ERO1A: variants seen among roughly 807,000 people sequenced by gnomAD.
ERO1A encodes the protein ERO1-like protein alpha.
In ERO1A, 49 loss-of-function variants were observed where a neutral mutation model predicts 76.9. The ratio of observed to expected loss-of-function variants is 0.64; its 90% CI spans 0.51 to 0.81. The LOEUF is 0.81. Among genes scored for constraint, ERO1A ranks in the 30% least tolerant of loss-of-function variants. The probability of loss-of-function intolerance (pLI) is 0.00; values close to 1 mark genes in which losing one functional copy is unlikely to be tolerated. For missense variants in ERO1A, 448 were observed against 542.1 expected (o/e 0.83, Z 1.72); for synonymous variants, 174 against 181.2 (o/e 0.96, Z 0.32).
intron 1 of ERO1A, among the ~76,000 whole-genome samples, chr14:52,693,422 C>G (rs2041425249): frequency 6.6e-6 from 1 of 152,202 alleles, no homozygotes; most frequent in African/African-American, 2.4e-5. Flanking sequence ...CTCAGACTGG[C>G]TCTCCTTGCT....
At chr14:52,692,402 C>T (rs1192838786) in intron 1 of ERO1A, among the ~76,000 whole-genome samples, 1 of 152,052 alleles carries the variant, frequency 6.6e-6, no homozygotes, top group African/African-American at 2.4e-5. Context: ...CACCATGCAG[C>T]AGTGTGATGA....
At position 52,653,202 on chromosome 14, in the gene ERO1A, A is replaced by G. The variant is rs1566636084; in HGVS notation, c.922T>C (p.Tyr308His). Residue 308 changes from tyrosine to histidine, a missense_variant, in exon 12 of 16, where the codon TAC (tyrosine) becomes CAC (histidine). By Grantham distance (83) the Tyr-to-His change is moderately conservative (BLOSUM62 2). Transcript: ENST00000395686. ...PRRLKNLYFL[Y>H]LIELRALSKV... Reference sequence around the variant, plus strand: ...GATAAAGCCCTTAGTTCTATTAAGTAGAGAAAATACAAGTTCTTAAGCCTT... The same window carrying G: ...GATAAAGCCCTTAGTTCTATTAAGTGGAGAAAATACAAGTTCTTAAGCCTT... The G allele has an allele frequency of 6.2e-7, 1 of 1,613,446 alleles. No homozygotes were observed. Among genetic ancestry groups the G allele is most frequent in the African/African-American group, 1.3e-5 (1 of 75,038 alleles).
Position 52,658,118 on chromosome 14 carries a change from A to G in ERO1A, c.715+6T>C. On this transcript the variant is annotated splice_donor_region_variant and intron_variant, in intron 10 of 15. Transcript: ENST00000395686. ...CATTGAAATTTATTTTAAAGTTTCT[A>G]ATTACCTTCTAGCCAACTGTAAAAA... 6.6e-7 allele frequency: 1 copy of G among 1,511,730 alleles called. No individual in the cohort carries two copies. The highest frequency in any genetic ancestry group is 9.1e-7 in the Non-Finnish European group (1 of 1,097,752). 93.6% of individuals were successfully genotyped at this position (1,511,730 alleles called of 1,614,324 possible).
chr14:52,643,512 G>T lies in ERO1A; in HGVS notation c.*58C>A. ...TGTCATTGCTATTATGCCTTTGAATGAAATTCCACTCTTTCGCCTCCATTG... is the reference window on the plus strand; with the variant it reads ...TGTCATTGCTATTATGCCTTTGAATTAAATTCCACTCTTTCGCCTCCATTG... On this transcript the variant is annotated 3_prime_UTR_variant, in exon 16 of 16. Transcript: ENST00000395686. The T allele has an allele frequency of 8.4e-7, 1 of 1,186,060 alleles. No individual in the cohort carries two copies. Among genetic ancestry groups the T allele is most frequent in the East Asian group, 2.9e-5 (1 of 34,354 alleles). 73.5% of individuals were successfully genotyped at this position (1,186,060 alleles called of 1,614,324 possible).
At chr14:52,646,573 A>T (rs2039664858) in intron 13 of ERO1A, 112 bp from the exon 14 acceptor site, 1 of 710,502 alleles carries the variant, frequency 1.4e-6, no homozygotes, top group Non-Finnish European at 2.4e-6. Context: ...TGGGGTACCA[A>T]AAATGAGAAC....
In ERO1A at chr14:52,642,326, C is replaced by T. The variant is rs2039503036; in HGVS notation, c.*1244G>A. 1 of 152,040 alleles carries T rather than the reference C, an allele frequency of 6.6e-6. No individual in the cohort carries two copies. The highest frequency in any genetic ancestry group is 1.5e-5 in the Non-Finnish European group (1 of 68,014). 9.4% of individuals were successfully genotyped at this position (152,040 alleles called of 1,614,324 possible). On this transcript the variant is annotated 3_prime_UTR_variant, in exon 16 of 16. Transcript: ENST00000395686. ...GGTGGGAAGATCACTTCAGCCCAGT[C>T]GTTCAAGTTCCAGCTTGGGCAACAC...
Position 52,653,082 on chromosome 14 carries a change from G to T in ERO1A, c.1042C>A (p.Leu348Ile). Reference protein sequence around the residue: ...EENKMLLLEILHEIKSFPLHF... With the variant: ...EENKMLLLEIIHEIKSFPLHF... ...TATATAATTTACTTGATTTCATGAA[G>T]TATTTCCAGAAGTAACATTTTGTTT... is the stretch of plus-strand genomic sequence containing the variant. Residue 348 changes from leucine (L) to isoleucine (I), a missense_variant, in exon 12 of 16, where the codon CTT becomes ATT. Physicochemically the swap from Leu to Ile is conservative, Grantham distance 5. Around this residue, in one of 2 missense-constraint regions of ERO1A, gnomAD observed 302 missense variants for 411.9 expected, o/e 0.73. Transcript: ENST00000395686. 6.6e-7 allele frequency: 1 copy of T among 1,514,868 alleles called. No homozygotes were observed. 93.8% of individuals were successfully genotyped at this position (1,514,868 alleles called of 1,614,324 possible).
intron 1 of ERO1A, among the ~76,000 whole-genome samples, chr14:52,688,294 C>T (rs1268429026): frequency 1.3e-5 from 2 of 152,176 alleles, no homozygotes; most frequent in Non-Finnish European, 2.9e-5. Context: ...CCTCCATTCA[C>T]ATCCCTCAAG....
intron 4 of ERO1A, among the ~76,000 whole-genome samples, chr14:52,676,744 A>C (rs1032848631): frequency 6.6e-6 from 1 of 152,088 alleles, no homozygotes; most frequent in Non-Finnish European, 1.5e-5. Flanking sequence ...ATGGAAATAC[A>C]AAGTATTTGG....
chr14:52,664,883 G>A (rs1326108880), intron 7 of ERO1A, among the ~76,000 whole-genome samples: 1 of 151,866 alleles, frequency 6.6e-6, no homozygotes, highest in Non-Finnish European at 1.5e-5. Context: ...AGTAGAGACG[G>A]GGTTTCACCG....
intron 6 of ERO1A, among the ~76,000 whole-genome samples, chr14:52,670,770 T>C (rs1013746103): frequency 6.6e-6 from 1 of 152,248 alleles, no homozygotes; most frequent in African/African-American, 2.4e-5. Context: ...CAAAATTATA[T>C]AAACCACAAG....
rs1303589898 is a variant in ERO1A at position 52,640,417 on chromosome 14, T to C, written c.*3153A>G. The C allele has an allele frequency of 6.6e-6, 1 of 152,234 alleles. No homozygotes were observed. Among genetic ancestry groups the C allele is most frequent in the Non-Finnish European group, 1.5e-5 (1 of 68,060 alleles). The allele number at this position is 152,234 out of a possible 1,614,324, so 9.4% of individuals were successfully genotyped here. A position where few individuals can be genotyped will look rare whatever the true frequency, so the allele number is the denominator to read the frequency against. On this transcript the variant is annotated 3_prime_UTR_variant, in exon 16 of 16. Coordinates refer to ENST00000395686, the MANE Select transcript of ERO1A (RefSeq NM_014584.3). Reference sequence around the variant, plus strand: ...TACCAAGGCGGGAGGCCTGGCCAAATGTGGCTTCTGAAGAAGTGTAAGTCT... The same window carrying C: ...TACCAAGGCGGGAGGCCTGGCCAAACGTGGCTTCTGAAGAAGTGTAAGTCT...
At chr14:52,675,426 G>T (rs1261754250) in intron 4 of ERO1A, among the ~76,000 whole-genome samples, 2 of 151,266 alleles carry the variant, frequency 1.3e-5, no homozygotes, top group Non-Finnish European at 2.9e-5. Flanking sequence ...ACGGGTATAA[G>T]AATGTTCAAG....
chr14:52,680,332 A>G (rs1423251293), intron 3 of ERO1A, among the ~76,000 whole-genome samples: 1 of 152,196 alleles, frequency 6.6e-6, no homozygotes, highest in Admixed American at 6.5e-5. Flanking sequence ...CATCTCATTC[A>G]TCAGTCTGTC....
At chr14:52,695,099 A>G (rs2041504940) in intron 1 of ERO1A, among the ~76,000 whole-genome samples, 1 of 152,200 alleles carries the variant, frequency 6.6e-6, no homozygotes, top group Non-Finnish European at 1.5e-5. Context: ...AAGACCAACA[A>G]AGATGCATAA....
At chr14:52,668,638 A>G (rs2040493573) in intron 6 of ERO1A, among the ~76,000 whole-genome samples, 1 of 151,742 alleles carries the variant, frequency 6.6e-6, no homozygotes, top group South Asian at 2.1e-4. Flanking sequence ...CCAAGAAATG[A>G]TTAAATTTTT....
At chr14:52,690,790 G>A (rs1298500131) in intron 1 of ERO1A, among the ~76,000 whole-genome samples, 2 of 152,018 alleles carry the variant, frequency 1.3e-5, no homozygotes, top group African/African-American at 4.8e-5. Context: ...CTTCTGACAC[G>A]CAGTTTTGCT....
intron 1 of ERO1A, among the ~76,000 whole-genome samples, chr14:52,691,340 A>G (rs984414065): frequency 6.6e-6 from 1 of 152,190 alleles, no homozygotes; most frequent in African/African-American, 2.4e-5. Flanking sequence ...TTTTGGCTTT[A>G]AAGACTTAGT....
In ERO1A at chr14:52,653,289, G is replaced by A; in HGVS notation, c.835C>T (p.His279Tyr). 1 of 1,608,264 alleles carries A rather than the reference G, an allele frequency of 6.2e-7. No individual in the cohort carries two copies. Among genetic ancestry groups the A allele is most frequent in the East Asian group, 2.2e-5 (1 of 44,748 alleles). Residue 279 changes from histidine (H) to tyrosine (Y), a missense_variant, in exon 12 of 16, where the codon CAC becomes TAC. By Grantham distance (83) the His-to-Tyr change is moderately conservative (BLOSUM62 2). Coordinates refer to ENST00000395686, the MANE Select transcript of ERO1A (RefSeq NM_014584.3). ...CGCTGTTGAAATTCTGTAATGTTGT[G>A]TCCCCATTTCTTTTCTAACCAGGTC... ...QETWLEKKWGHNITEFQQRFD... is the reference protein window; with the variant it reads ...QETWLEKKWGYNITEFQQRFD...
Sources: allele counts gnomAD v4.1 joint callset (sites outside exome capture counted in the v4.1 genomes callset), GRCh38; gene constraint gnomAD v4.1.1; regional missense constraint gnomAD v4.1.1; transcripts MANE v1.5; gene names NCBI Gene and HGNC (gene_info 2026-07-23, HGNC 2026-07-21).